Variants in PCCA observed in about 807,000 individuals in gnomAD.
PCCA encodes propionyl-CoA carboxylase alpha chain, mitochondrial.
A neutral mutation model predicts 101.3 loss-of-function variants in PCCA; 74 were observed. The ratio of observed to expected loss-of-function variants is 0.73; its 90% CI spans 0.61 to 0.89. The LOEUF (loss-of-function observed/expected upper bound fraction) is 0.89, where lower values mean the gene tolerates loss of function less well. Ranked by LOEUF, PCCA falls within the 40% of genes least tolerant of loss-of-function variation. The pLI, the probability that PCCA is intolerant of heterozygous loss-of-function variation, is 0.00. For missense variants in PCCA, 891 were observed against 907.0 expected, an observed-to-expected ratio of 0.98 and a Z score of 0.23; for synonymous variants, 294 against 313.6, an observed-to-expected ratio of 0.94 and a Z score of 0.66.
At position 100,483,967 on chromosome 13, in the gene PCCA, G is replaced by A. The variant is rs561894937; in HGVS notation, c.1900-31460G>A. 1.0e-3 allele frequency among the ~76,000 whole-genome samples: 156 copies of A among 152,254 alleles called. 1 individual carries two copies. The highest frequency in any genetic ancestry group is 3.7e-3 in the African/African-American group (153 of 41,546). Reference sequence around the variant, plus strand: ...TCATGGATGGAGGAAAACAATCTGGGTTTCAGTTTCACAAATAGAAAAACA... The same window carrying A: ...TCATGGATGGAGGAAAACAATCTGGATTTCAGTTTCACAAATAGAAAAACA... On this transcript the variant is annotated intron_variant, in intron 21 of 23. Coordinates refer to ENST00000376285, the MANE Select transcript of PCCA (RefSeq NM_000282.4).
chr13:100,415,667 A>G lies in PCCA; in HGVS notation c.1747-9966A>G, dbSNP rs377369459. On this transcript the variant is annotated intron_variant, in intron 19 of 23. Coordinates refer to ENST00000376285, the MANE Select transcript of PCCA (RefSeq NM_000282.4). The stretch of plus-strand genomic sequence containing the variant: ...TTATTTTATATTTTCACTCTGCACA[A>G]TGCTAATCTCCTTAACATTTGATGA... Among the ~76,000 whole-genome samples, 134 of 152,350 alleles carry G rather than the reference A, an allele frequency of 8.8e-4. 4 individuals carry two copies. The South Asian group carries it at 0.025, about 28-fold the overall frequency.
chr13:100,206,816 C>T (rs2058883226), intron 6 of PCCA, among the ~76,000 whole-genome samples: 1 of 152,174 alleles, frequency 6.6e-6, no homozygotes, highest in Admixed American at 6.5e-5. Flanking sequence ...TGAACCAGAT[C>T]CTAAGACCTT....
chr13:100,440,145 A>G (rs2080234076), intron 20 of PCCA, among the ~76,000 whole-genome samples: 1 of 135,546 alleles, frequency 7.4e-6, no homozygotes, highest in East Asian at 2.4e-4. Flanking sequence ...TGAAATGACT[A>G]GAGTATTAAA....
intron 12 of PCCA, among the ~76,000 whole-genome samples, chr13:100,294,696 T>C (rs1285441174): frequency 6.6e-6 from 1 of 152,192 alleles, no homozygotes. Flanking sequence ...AAATTTTTAG[T>C]TTTTAGTGCT....
intron 19 of PCCA, among the ~76,000 whole-genome samples, chr13:100,397,867 A>G (rs2077124936): frequency 1.3e-5 from 2 of 152,240 alleles, no homozygotes; most frequent in African/African-American, 4.8e-5. Flanking sequence ...TCTGTTGTAA[A>G]TAACCATAGA....
chr13:100,105,464 T>C (rs1668632264), intron 2 of PCCA, among the ~76,000 whole-genome samples: 1 of 151,940 alleles, frequency 6.6e-6, no homozygotes, highest in South Asian at 2.1e-4. Context: ...AGGGGTGGAA[T>C]ACTACAAACG....
At chr13:100,422,174 C>A (rs1340527130) in intron 19 of PCCA, among the ~76,000 whole-genome samples, 7 of 129,032 alleles carry the variant, frequency 5.4e-5, no homozygotes, top group Non-Finnish European at 1.1e-4. Context: ...GCTCTGTCGT[C>A]CAGCCTGGAG....
Position 100,331,884 on chromosome 13 carries a change from G to GAA in PCCA, c.1540+1224_1540+1225dup, listed in dbSNP as rs36102435. 2.8e-3 allele frequency among the ~76,000 whole-genome samples: 383 copies of GAA among 136,672 alleles called. 2 individuals are homozygous for GAA. Among genetic ancestry groups the GAA allele is most frequent in the African/African-American group, 5.2e-3 (191 of 36,756 alleles). The allele number at this position is 136,672 out of a possible 152,430, so 89.7% of individuals were successfully genotyped here. A position where few individuals can be genotyped will look rare whatever the true frequency, so the allele number is the denominator to read the frequency against. On this transcript the variant is annotated intron_variant, in intron 17 of 23. Transcript: ENST00000376285. ...GGTACTAAGTATTTGTTGAATTAAT[G>GAA]AAAAAAAAAAAATCTTAGCCATAAT...
At chr13:100,277,528 A>G (rs2063751387) in intron 12 of PCCA, among the ~76,000 whole-genome samples, 1 of 152,066 alleles carries the variant, frequency 6.6e-6, no homozygotes, top group Non-Finnish European at 1.5e-5. Flanking sequence ...TTCCAAGCTG[A>G]GTGGCTTTAG....
intron 19 of PCCA, among the ~76,000 whole-genome samples, chr13:100,377,642 C>G (rs1367939624): frequency 6.6e-6 from 1 of 152,010 alleles, no homozygotes; most frequent in Non-Finnish European, 1.5e-5. Context: ...CTACAGGCGC[C>G]TGCCACCACG....
At position 100,104,225 on chromosome 13, in the gene PCCA, G is replaced by A. The variant is rs147388629; in HGVS notation, c.183+1265G>A. Among the ~76,000 whole-genome samples, 111 of 152,280 alleles carry A rather than the reference G, an allele frequency of 7.3e-4. 1 individual carries two copies. Among genetic ancestry groups the A allele is most frequent in the African/African-American group, 2.6e-3 (108 of 41,562 alleles). On this transcript the variant is annotated intron_variant, in intron 2 of 23. Transcript: ENST00000376285. ...TCTTCTGAATCATGTGCTGAAGTGC[G>A]CAATACTGCTTTCCAGATTCTTTTG... is the stretch of plus-strand genomic sequence containing the variant.
In PCCA at chr13:100,398,114, G is replaced by GC. The variant is rs561601233; in HGVS notation, c.1747-27518dup. Among the ~76,000 whole-genome samples the GC allele has an allele frequency of 6.8e-3, 1,030 of 152,338 alleles. 13 individuals carry two copies. Among genetic ancestry groups the GC allele is most frequent in the African/African-American group, 0.023 (964 of 41,568 alleles). Reference sequence around the variant, plus strand: ...CGAAAAACACCAAGGAAATGTGAAAGCTGGTAGTAATTGGTGAGCTTGCTG... The same window carrying GC: ...CGAAAAACACCAAGGAAATGTGAAAGCCTGGTAGTAATTGGTGAGCTTGCTG... On this transcript the variant is annotated intron_variant, in intron 19 of 23. Coordinates refer to ENST00000376285, the MANE Select transcript of PCCA (RefSeq NM_000282.4).
intron 8 of PCCA, among the ~76,000 whole-genome samples, chr13:100,256,298 C>G (rs1471232679): frequency 6.6e-6 from 1 of 152,156 alleles, no homozygotes; most frequent in African/African-American, 2.4e-5. Flanking sequence ...AGCCACTGTG[C>G]CCAGCCTAAA....
intron 6 of PCCA, among the ~76,000 whole-genome samples, chr13:100,190,770 T>C (rs575044383): frequency 5.9e-5 from 9 of 151,644 alleles, no homozygotes; most frequent in Non-Finnish European, 1.2e-4. Flanking sequence ...GGGACCAGCC[T>C]GGACAAAATA....
rs549794312 is a variant in PCCA, at chr13:100,371,730, C to T, written c.1746+3156C>T. Among the ~76,000 whole-genome samples, 29 of 152,232 alleles carry T rather than the reference C, an allele frequency of 1.9e-4. No homozygotes were observed. In the South Asian group the frequency reaches 6.0e-3, roughly 32 times the overall value. The stretch of plus-strand genomic sequence containing the variant: ...CAATTTCAAGGGGGTCCCAAATAGT[C>T]AAAACAATCCTGAAATAGAAGAAGA... On this transcript the variant is annotated intron_variant, in intron 19 of 23. Coordinates refer to ENST00000376285, the MANE Select transcript of PCCA (RefSeq NM_000282.4).
intron 22 of PCCA, among the ~76,000 whole-genome samples, chr13:100,526,746 G>C (rs1381646202): frequency 6.6e-6 from 1 of 152,276 alleles, no homozygotes; most frequent in Non-Finnish European, 1.5e-5. Flanking sequence ...CATCGGGGCA[G>C]AGCGAAGTGA....
At chr13:100,238,385 C>T (rs539376889) in intron 8 of PCCA, among the ~76,000 whole-genome samples, 2 of 151,940 alleles carry the variant, frequency 1.3e-5, no homozygotes, top group African/African-American at 4.8e-5. Context: ...TTATTTTTTC[C>T]TACTGAAGTT....
At chr13:100,259,370 T>C (rs891485313) in intron 9 of PCCA, among the ~76,000 whole-genome samples, 4 of 141,912 alleles carry the variant, frequency 2.8e-5, no homozygotes, top group Non-Finnish European at 6.0e-5. Flanking sequence ...AGTCTCTCTC[T>C]GTCGCCCAGG....
intron 7 of PCCA, among the ~76,000 whole-genome samples, chr13:100,226,414 G>C (rs746983951): frequency 1.3e-5 from 2 of 152,164 alleles, no homozygotes; most frequent in Non-Finnish European, 2.9e-5. Context: ...TTAAGGATTG[G>C]TAAGTAGGCA....
Sources: allele counts gnomAD v4.1 joint callset (sites outside exome capture counted in the v4.1 genomes callset), GRCh38; gene constraint gnomAD v4.1.1; transcripts MANE v1.5; gene names NCBI Gene and HGNC (gene_info 2026-07-23, HGNC 2026-07-21).